SCFD2: variants seen among roughly 807,000 people sequenced by gnomAD.
SCFD2 encodes the protein sec1 family domain containing 2, also known as sec1 family domain-containing protein 2.
SCFD2 carries 54 observed loss-of-function variants against 58.9 expected under a neutral mutation model. That is an observed-to-expected ratio of 0.92 (90% CI 0.74 to 1.15). SCFD2 has a LOEUF of 1.15. Ranked by LOEUF, SCFD2 falls within the 50% of genes most tolerant of loss-of-function variation. The pLI, the probability that SCFD2 is intolerant of heterozygous loss-of-function variation, is 0.00. For missense variants in SCFD2, 805 were observed against 836.6 expected (o/e 0.96, Z 0.47); for synonymous variants, 321 against 335.9 (o/e 0.96, Z 0.49).
At chr4:53,099,148 A>G (rs1392958250) in intron 5 of SCFD2, among the ~76,000 whole-genome samples, 1 of 152,152 alleles carries the variant, frequency 6.6e-6, no homozygotes, top group African/African-American at 2.4e-5. Flanking sequence ...TGCTTCTATC[A>G]CTTCTACCAC....
At chr4:53,134,787 T>C (rs995845286) in intron 5 of SCFD2, among the ~76,000 whole-genome samples, 14 of 152,332 alleles carry the variant, frequency 9.2e-5, no homozygotes, top group Middle Eastern at 3.4e-3. Context: ...GCTCAATTAG[T>C]GCAATTCCTA....
At chr4:53,360,576 G>A (rs1734522998) in intron 1 of SCFD2, among the ~76,000 whole-genome samples, 1 of 152,172 alleles carries the variant, frequency 6.6e-6, no homozygotes, top group Admixed American at 6.5e-5. Context: ...CCAGGCCATT[G>A]CTGCTGTCAC....
chr4:53,103,880 G>A (rs1577729865), intron 5 of SCFD2, among the ~76,000 whole-genome samples: 1 of 106,560 alleles, frequency 9.4e-6, no homozygotes, highest in Admixed American at 1.1e-4. Context: ...AATGGCCAAA[G>A]CTGGAACAAT....
At chr4:53,167,983 T>G (rs1727058037) in intron 4 of SCFD2, among the ~76,000 whole-genome samples, 1 of 152,244 alleles carries the variant, frequency 6.6e-6, no homozygotes, top group Non-Finnish European at 1.5e-5. Context: ...CTTGCTACAA[T>G]AATATATATA....
chr4:53,228,956 A>T (rs4557334), intron 4 of SCFD2, among the ~76,000 whole-genome samples: 68,286 of 151,716 alleles, frequency 0.45, 16,318 homozygotes, highest in Admixed American at 0.53. Flanking sequence ...AAAAATCACA[A>T]GCATTCTTAT....
intron 5 of SCFD2, among the ~76,000 whole-genome samples, chr4:52,941,524 A>T (rs1720292636): frequency 6.6e-6 from 1 of 152,200 alleles, no homozygotes; most frequent in Admixed American, 6.5e-5. Context: ...CAGAAATACA[A>T]TGTTGAATTA....
chr4:53,231,186 A>AC (rs1206749315), intron 4 of SCFD2, among the ~76,000 whole-genome samples: 2 of 151,934 alleles, frequency 1.3e-5, no homozygotes, highest in Non-Finnish European at 2.9e-5. Flanking sequence ...TTAAAAAAAA[A>AC]CCCTTCTTAA....
At chr4:53,215,934 T>G (rs1224064792) in intron 4 of SCFD2, among the ~76,000 whole-genome samples, 3 of 152,240 alleles carry the variant, frequency 2.0e-5, no homozygotes, top group African/African-American at 7.2e-5. Context: ...TCTGTTTATA[T>G]GCTGGATTAC....
chr4:53,009,740 G>C (rs1434516743), intron 5 of SCFD2, among the ~76,000 whole-genome samples: 1 of 152,092 alleles, frequency 6.6e-6, no homozygotes, highest in Non-Finnish European at 1.5e-5. Flanking sequence ...TGGCATCTGA[G>C]CTCTCCCACT....
intron 5 of SCFD2, among the ~76,000 whole-genome samples, chr4:52,937,553 C>G (rs1428008400): frequency 6.6e-6 from 1 of 152,170 alleles, no homozygotes; most frequent in Non-Finnish European, 1.5e-5. Flanking sequence ...TCCATCCCTT[C>G]CCGACAGTAA....
chr4:53,302,439 T>G (rs555718929), intron 3 of SCFD2, among the ~76,000 whole-genome samples: 5 of 152,026 alleles, frequency 3.3e-5, no homozygotes, highest in Admixed American at 1.3e-4. Flanking sequence ...CACTGCTCAG[T>G]GAAATAAAAG....
At chr4:53,022,585 T>TA (rs1185057588) in intron 5 of SCFD2, among the ~76,000 whole-genome samples, 1 of 152,166 alleles carries the variant, frequency 6.6e-6, no homozygotes, top group African/African-American at 2.4e-5. Flanking sequence ...GTTTAGGCCT[T>TA]AGAGTTGGGA....
chr4:53,200,989 ATTAATT>A (rs1728212738), intron 4 of SCFD2, among the ~76,000 whole-genome samples: 1 of 144,974 alleles, frequency 6.9e-6, no homozygotes, highest in Non-Finnish European at 1.6e-5. Flanking sequence ...TAATACAAAT[ATTAATT>A]TTATTTTAAT....
At chr4:53,239,816 T>A (rs1177954283) in intron 4 of SCFD2, among the ~76,000 whole-genome samples, 1 of 152,144 alleles carries the variant, frequency 6.6e-6, no homozygotes, top group Non-Finnish European at 1.5e-5. Context: ...TACATTTCAC[T>A]GTATAGACCC....
Position 53,177,724 on chromosome 4 carries a change from G to A in SCFD2, c.1312-32142C>T, listed in dbSNP as rs758861872. Among the ~76,000 whole-genome samples, 18 of 152,326 alleles carry A rather than the reference G, an allele frequency of 1.2e-4. 1 individual carries two copies. Among genetic ancestry groups the A allele is most frequent in the Non-Finnish European group, 1.0e-4 (7 of 68,034 alleles). Reference sequence around the variant, plus strand: ...CAAGGCATCGCCTCATCCGGGAAGCGAAAGGGGTCAGGGAATTCCCTTTCC... The same window carrying A: ...CAAGGCATCGCCTCATCCGGGAAGCAAAAGGGGTCAGGGAATTCCCTTTCC... On this transcript the variant is annotated intron_variant, in intron 4 of 8. Transcript: ENST00000401642.
chr4:53,301,762 T>G (rs1257845528), intron 3 of SCFD2, among the ~76,000 whole-genome samples: 1 of 152,124 alleles, frequency 6.6e-6, no homozygotes, highest in African/African-American at 2.4e-5. Context: ...CATGATCAAG[T>G]GGGCTTCATC....
Position 53,219,357 on chromosome 4 carries a change from T to C in SCFD2, c.1311+54469A>G, listed in dbSNP as rs558233750. Among the ~76,000 whole-genome samples the C allele has an allele frequency of 5.9e-5, 9 of 152,280 alleles. No homozygotes were observed. In the East Asian group the frequency reaches 1.5e-3, roughly 26 times the overall value. The stretch of plus-strand genomic sequence containing the variant: ...AATGGCGGGCGCCCCTCCCCCAGCC[T>C]CGCTGCCGCCTTGCAGTTCGATCTC... On this transcript the variant is annotated intron_variant, in intron 4 of 8. Coordinates refer to ENST00000401642, the MANE Select transcript of SCFD2 (RefSeq NM_152540.4).
intron 5 of SCFD2, among the ~76,000 whole-genome samples, chr4:53,067,620 C>T (rs1723699996): frequency 6.6e-6 from 1 of 151,998 alleles, no homozygotes; most frequent in Admixed American, 6.6e-5. Context: ...CTTCCCCCTT[C>T]TCTTGGTTTC....
At chr4:53,144,169 G>A (rs901502751) in intron 5 of SCFD2, among the ~76,000 whole-genome samples, 1 of 151,832 alleles carries the variant, frequency 6.6e-6, no homozygotes, top group Non-Finnish European at 1.5e-5. Context: ...ATATAAGGCT[G>A]GGCATGGTGG....
Sources: allele counts gnomAD v4.1 joint callset (sites outside exome capture counted in the v4.1 genomes callset), GRCh38; gene constraint gnomAD v4.1.1; transcripts MANE v1.5; gene names NCBI Gene and HGNC (gene_info 2026-07-23, HGNC 2026-07-21).